Variants in ELP4 observed in about 807,000 individuals in gnomAD.
The protein encoded by ELP4 is elongator acetyltransferase complex subunit 4, also known as elongator complex protein 4.
A neutral mutation model predicts 48.9 loss-of-function variants in ELP4; 51 were observed. The ratio of observed to expected loss-of-function variants is 1.04; its 90% CI spans 0.83 to 1.32. The LOEUF (loss-of-function observed/expected upper bound fraction) is 1.32. Among genes scored for constraint, ELP4 ranks in the 40% most tolerant of loss-of-function variants. The probability of loss-of-function intolerance (pLI) is 0.00; values close to 1 mark genes in which losing one functional copy is unlikely to be tolerated. For missense variants in ELP4, 519 were observed against 514.6 expected, an observed-to-expected ratio of 1.01 and a Z score of -0.08; for synonymous variants, 210 against 189.2, an observed-to-expected ratio of 1.11 and a Z score of -0.90.
intron 9 of ELP4, among the ~76,000 whole-genome samples, chr11:31,730,287 A>G (rs1200336172): frequency 6.6e-6 from 1 of 152,158 alleles, no homozygotes; most frequent in East Asian, 1.9e-4. Context: ...CAAGGCACCA[A>G]CAGGTTCAGT....
chr11:31,775,482 G>C (rs1459973793), intron 9 of ELP4, among the ~76,000 whole-genome samples: 1 of 152,192 alleles, frequency 6.6e-6, no homozygotes, highest in African/African-American at 2.4e-5. Context: ...GAACTGTGCA[G>C]GCTTTGTAGT....
intron 3 of ELP4, among the ~76,000 whole-genome samples, chr11:31,574,465 G>A (rs752459445): frequency 6.6e-6 from 1 of 152,228 alleles, no homozygotes; most frequent in East Asian, 1.9e-4. Flanking sequence ...TTTGAGATCT[G>A]AGAACAGACA....
chr11:31,670,693 C>T (rs572476726), intron 9 of ELP4, among the ~76,000 whole-genome samples: 8 of 152,162 alleles, frequency 5.3e-5, no homozygotes, highest in Admixed American at 3.3e-4. Context: ...GAGGCTTTTG[C>T]GTTGCCCACA....
rs1944672312 is a variant in ELP4 at position 31,623,560 on chromosome 11, T to C, written c.654-3550T>C. ...TGTATTGATTTATTGCATTTTATTT[T>C]GTTACCAAATAGTTTATTTTTCTAG... On this transcript the variant is annotated intron_variant, in intron 5 of 9. Coordinates refer to ENST00000640961, the MANE Select transcript of ELP4 (RefSeq NM_019040.5). Among the ~76,000 whole-genome samples the C allele has an allele frequency of 2.7e-5, 4 of 149,870 alleles. No individual in the cohort carries two copies. The Admixed American group carries it at 2.7e-4, about 10-fold the overall frequency.
chr11:31,604,991 G>T (rs749699317), intron 5 of ELP4, among the ~76,000 whole-genome samples: 14 of 152,024 alleles, frequency 9.2e-5, no homozygotes, highest in Admixed American at 9.2e-4. Flanking sequence ...ATATGCAGAA[G>T]TATGAAGTCC....
At chr11:31,645,808 A>C (rs1045097234) in intron 7 of ELP4, 1 of 151,622 alleles carries the variant, frequency 6.6e-6, no homozygotes, top group African/African-American at 2.4e-5. Context: ...ATTCTTCTTA[A>C]TGGGGGAGCC....
At chr11:31,772,157 T>C (rs1948159590) in intron 9 of ELP4, among the ~76,000 whole-genome samples, 1 of 148,684 alleles carries the variant, frequency 6.7e-6, no homozygotes, top group Non-Finnish European at 1.5e-5. Flanking sequence ...TCTTGCTCTG[T>C]CACCCAGGCT....
intron 9 of ELP4, among the ~76,000 whole-genome samples, chr11:31,709,667 A>G (rs1592243267): frequency 6.6e-6 from 1 of 152,158 alleles, no homozygotes; most frequent in African/African-American, 2.4e-5. Flanking sequence ...ATCTTGAATA[A>G]AATAAGATAA....
At chr11:31,655,010 A>G (rs1945399143) in intron 9 of ELP4, among the ~76,000 whole-genome samples, 1 of 151,990 alleles carries the variant, frequency 6.6e-6, no homozygotes, top group African/African-American at 2.4e-5. Context: ...CAGCTAGCAG[A>G]AAGAAAAGAA....
At chr11:31,765,689 C>T (rs1463546683) in intron 9 of ELP4, among the ~76,000 whole-genome samples, 1 of 152,014 alleles carries the variant, frequency 6.6e-6, no homozygotes, top group Non-Finnish European at 1.5e-5. Flanking sequence ...CAATTAAGAT[C>T]CATTGCTCAT....
Position 31,787,312 on chromosome 11 carries a change from A to G in ELP4, c.*3788A>G, listed in dbSNP as rs1948722147. 8.6e-6 allele frequency: 2 copies of G among 233,274 alleles called. No homozygotes were observed. Among genetic ancestry groups the G allele is most frequent in the Admixed American group, 1.1e-4 (2 of 17,774 alleles). 14.5% of individuals were successfully genotyped at this position (233,274 alleles called of 1,614,324 possible). ...CACATATACGTGCCCAAGTGCACAC[A>G]TACAGACCCTCCGCTCCCACGTCAC... On this transcript the variant is annotated 3_prime_UTR_variant, in exon 10 of 10. Coordinates refer to ENST00000640961, the MANE Select transcript of ELP4 (RefSeq NM_019040.5).
intron 9 of ELP4, among the ~76,000 whole-genome samples, chr11:31,738,369 A>C (rs1244552137): frequency 6.6e-6 from 1 of 151,874 alleles, no homozygotes; most frequent in Non-Finnish European, 1.5e-5. Context: ...CTGTGATTAC[A>C]CCACTGTACG....
chr11:31,777,580 A>G (rs1056509962), intron 9 of ELP4, among the ~76,000 whole-genome samples: 6 of 152,182 alleles, frequency 3.9e-5, no homozygotes, highest in African/African-American at 1.4e-4. Flanking sequence ...TAGATTTGTT[A>G]AACATTTTTA....
At chr11:31,591,672 T>C (rs1487531925) in intron 3 of ELP4, among the ~76,000 whole-genome samples, 2 of 152,132 alleles carry the variant, frequency 1.3e-5, no homozygotes, top group Admixed American at 1.3e-4. Context: ...TGTAAAATGG[T>C]GCAGCCACTG....
intron 9 of ELP4, among the ~76,000 whole-genome samples, chr11:31,759,782 C>G (rs1247403821): frequency 2.0e-5 from 3 of 151,738 alleles, no homozygotes; most frequent in Non-Finnish European, 4.4e-5. Context: ...GCTTGGCTCA[C>G]TGCAACCTCC....
chr11:31,711,671 ATTAT>A lies in ELP4; in HGVS notation c.1143+61453_1143+61456del, dbSNP rs566996610. 2.6e-5 allele frequency among the ~76,000 whole-genome samples: 4 copies of A among 152,272 alleles called. No homozygotes were observed. In the South Asian group the frequency reaches 6.2e-4, roughly 24 times the overall value. On this transcript the variant is annotated intron_variant, in intron 9 of 9. Transcript: ENST00000640961. The stretch of plus-strand genomic sequence containing the variant: ...GATAAAGATAAATATGTACCTCTGC[ATTAT>A]TTTAGACTACAATTTTCAAATATTT...
chr11:31,518,109 C>CTTTTTTTTT (rs111515643), intron 1 of ELP4, among the ~76,000 whole-genome samples: 1 of 142,634 alleles, frequency 7.0e-6, no homozygotes, highest in Non-Finnish European at 1.5e-5. Context: ...TCTTTTTTTT[C>CTTTTTTTTT]TTTTTTTTTT....
intron 9 of ELP4, among the ~76,000 whole-genome samples, chr11:31,717,079 C>G (rs1946856374): frequency 1.3e-5 from 2 of 151,010 alleles, no homozygotes; most frequent in African/African-American, 4.9e-5. Flanking sequence ...AATTTGGCAG[C>G]AGGAAAAAAA....
Position 31,539,760 on chromosome 11 carries a change from G to C in ELP4, c.358G>C (p.Glu120Gln). 1 of 1,610,174 alleles carries C rather than the reference G, an allele frequency of 6.2e-7. No individual in the cohort carries two copies. The highest frequency in any genetic ancestry group is 8.5e-7 in the Non-Finnish European group (1 of 1,178,512). ...TACTTTGTTGGTTGCATCTGCTAAA[G>C]AGGATCCTGCCAACATTTTACAGGT... ...GHTLLVASAK[E>Q]DPANILQELP... The change falls in exon 3 of 10, where the codon GAG (glutamate) becomes CAG (glutamine). Residue 120 changes from glutamate to glutamine, a missense_variant. Coordinates refer to ENST00000640961, the MANE Select transcript of ELP4 (RefSeq NM_019040.5).
Sources: allele counts gnomAD v4.1 joint callset (sites outside exome capture counted in the v4.1 genomes callset), GRCh38; gene constraint gnomAD v4.1.1; transcripts MANE v1.5; gene names NCBI Gene and HGNC (gene_info 2026-07-23, HGNC 2026-07-21).